Variants in IL12RB2 observed in about 807,000 individuals in gnomAD.
The protein encoded by IL12RB2 is interleukin-12 receptor subunit beta-2.
IL12RB2 carries 82 observed loss-of-function variants against 89.4 expected under a neutral mutation model. That is an observed-to-expected ratio of 0.92 (90% CI 0.77 to 1.10). IL12RB2 has a LOEUF of 1.10. IL12RB2 is among the 50% of genes least tolerant of loss of function. IL12RB2 has a pLI of 0.00. For missense variants in IL12RB2, 963 were observed against 1,031.9 expected (o/e 0.93, Z 0.92); for synonymous variants, 368 against 370.1 (o/e 0.99, Z 0.07).
At chr1:67,386,878 A>T (rs1443991147) in intron 15 of IL12RB2, among the ~76,000 whole-genome samples, 3 of 26,722 alleles carry the variant, frequency 1.1e-4, no homozygotes, top group Non-Finnish European at 3.5e-4. Context: ...TATTTTATAT[A>T]TATATATATA....
In IL12RB2 at chr1:67,366,472, AAAG is replaced by A. The variant is rs1264922236; in HGVS notation, c.1259-1348_1259-1346del. On this transcript the variant is annotated intron_variant, in intron 10 of 16. Transcript: ENST00000674203. ...CATCTCAAAAAAAAAAAAAAAAAAA[AAAG>A]AAGAGAAATCAGAAAAATGAAAATA... Among the ~76,000 whole-genome samples the A allele has an allele frequency of 5.3e-3, 792 of 150,484 alleles. 6 individuals are homozygous for A. Among genetic ancestry groups the A allele is most frequent in the Non-Finnish European group, 7.8e-3 (527 of 67,484 alleles).
chr1:67,378,417 T>A (rs529896693), intron 13 of IL12RB2, among the ~76,000 whole-genome samples: 1 of 134,214 alleles, frequency 7.5e-6, no homozygotes, highest in East Asian at 2.1e-4. Context: ...AAGGAACTGG[T>A]AATCTAGGTT....
intron 15 of IL12RB2, among the ~76,000 whole-genome samples, chr1:67,389,635 T>C (rs1385283072): frequency 6.6e-6 from 1 of 152,236 alleles, no homozygotes; most frequent in Non-Finnish European, 1.5e-5. Context: ...AATTTACCTG[T>C]CATTACAAAC....
At chr1:67,359,743 G>A (rs1300582076) in intron 10 of IL12RB2, among the ~76,000 whole-genome samples, 1 of 151,892 alleles carries the variant, frequency 6.6e-6, no homozygotes, top group Non-Finnish European at 1.5e-5. Context: ...ACACAGTGGT[G>A]ATACTTTCAG....
chr1:67,367,735 G>C, intron 10 of IL12RB2, 90 bp from the exon 11 acceptor site: 1 of 800,456 alleles, frequency 1.2e-6, no homozygotes, highest in South Asian at 1.4e-5. Context: ...AAACTTTTTC[G>C]TTGGGATAAG....
At chr1:67,328,727 G>T (rs747597005) in intron 6 of IL12RB2, among the ~76,000 whole-genome samples, 2 of 152,172 alleles carry the variant, frequency 1.3e-5, no homozygotes, top group African/African-American at 2.4e-5. Context: ...CTTCTTGGAG[G>T]AGGTGTCCTT....
intron 10 of IL12RB2, among the ~76,000 whole-genome samples, chr1:67,355,489 A>G (rs1279910216): frequency 2.0e-5 from 3 of 151,986 alleles, no homozygotes; most frequent in African/African-American, 7.2e-5. Context: ...TGTATTAAAT[A>G]TTTCAAAGAT....
At chr1:67,386,153 G>A (rs1199931627) in intron 14 of IL12RB2, among the ~76,000 whole-genome samples, 1 of 138,354 alleles carries the variant, frequency 7.2e-6, no homozygotes, top group Non-Finnish European at 1.5e-5. Context: ...AGATTGCAGT[G>A]AGCTGAGATT....
chr1:67,390,748 G>C (rs1665723590), intron 16 of IL12RB2, among the ~76,000 whole-genome samples: 1 of 152,122 alleles, frequency 6.6e-6, no homozygotes, highest in Admixed American at 6.6e-5. Context: ...GGCAAGATGG[G>C]CCATCCCTGG....
chr1:67,385,028 A>T (rs996690339), intron 14 of IL12RB2, among the ~76,000 whole-genome samples: 28 of 151,918 alleles, frequency 1.8e-4, no homozygotes, highest in Non-Finnish European at 4.0e-4. Context: ...AACTGTTCCA[A>T]CCTCTGCCTT....
intron 14 of IL12RB2, among the ~76,000 whole-genome samples, chr1:67,381,854 T>C (rs2101080317): frequency 1.3e-5 from 2 of 150,304 alleles, no homozygotes; most frequent in Middle Eastern, 7.1e-3. Flanking sequence ...GGAGCGGTGG[T>C]ACATGCCTGT....
chr1:67,360,989 A>T (rs1366408404), intron 10 of IL12RB2, among the ~76,000 whole-genome samples: 4 of 151,658 alleles, frequency 2.6e-5, no homozygotes, highest in Non-Finnish European at 5.9e-5. Context: ...AATCCCCTCT[A>T]TTCTTCTAGG....
intron 4 of IL12RB2, 92 bp from the exon 5 acceptor site, chr1:67,326,643 G>A (rs1433673979): frequency 4.6e-6 from 7 of 1,537,236 alleles, no homozygotes; most frequent in Non-Finnish European, 6.2e-6. Flanking sequence ...ACGGCATGTG[G>A]GGGACGTATT....
chr1:67,368,160 A>C (rs1662916249), intron 11 of IL12RB2, 135 bp downstream of exon 11: 1 of 699,950 alleles, frequency 1.4e-6, no homozygotes, highest in Non-Finnish European at 2.6e-6. Context: ...CCTAGAGTCC[A>C]CCCAGCAGCA....
chr1:67,398,647 G>A lies in IL12RB2; in HGVS notation c.*2558G>A, dbSNP rs1666483900. Among the ~76,000 whole-genome samples the A allele has an allele frequency of 6.6e-6, 1 of 151,992 alleles. No individual in the cohort carries two copies. Among genetic ancestry groups the A allele is most frequent in the Admixed American group, 6.6e-5 (1 of 15,256 alleles). On this transcript the variant is annotated 3_prime_UTR_variant, in exon 17 of 17. Transcript: ENST00000674203. The stretch of plus-strand genomic sequence containing the variant: ...AGACAACTTGAAAGCAGGAACTTTG[G>A]CAGTGTTTCCCCAGCACCAGCATCA...
At chr1:67,368,937 G>A (rs975709671) in intron 11 of IL12RB2, among the ~76,000 whole-genome samples, 4 of 152,130 alleles carry the variant, frequency 2.6e-5, no homozygotes, top group Admixed American at 6.5e-5. Context: ...TTATTGTTAC[G>A]TGAGACAGAG....
At chr1:67,386,872 T>TTTATATATATA (rs1473033781) in intron 15 of IL12RB2, among the ~76,000 whole-genome samples, 1 of 48,426 alleles carries the variant, frequency 2.1e-5, no homozygotes, top group Non-Finnish European at 4.5e-5. Flanking sequence ...GAAATGTATT[T>TTTATATATATA]TATATATATA....
rs1329959155 is a variant in IL12RB2, at chr1:67,328,213, A to C, written c.493A>C (p.Lys165Gln). The change falls in exon 6 of 17, where the codon AAA (lysine) becomes CAA (glutamine). Residue 165 changes from lysine to glutamine, a missense_variant. Lys to Gln is a moderately conservative substitution (Grantham distance 53). Coordinates refer to ENST00000674203, the MANE Select transcript of IL12RB2 (RefSeq NM_001374259.2). ...TTTTGTTTACAGGCTAAGTGGACCA[A>C]AAAATTTAACCTGGCAGAAGCAATG... ...TEYTLQLSGP[K>Q]NLTWQKQCKD... 2 of 1,613,926 alleles carry C rather than the reference A, an allele frequency of 1.2e-6. No individual in the cohort carries two copies. The highest frequency in any genetic ancestry group is 1.7e-6 in the Non-Finnish European group (2 of 1,179,904).
Position 67,398,345 on chromosome 1 carries a change from G to A in IL12RB2, c.*2256G>A, listed in dbSNP as rs1235951622. Among the ~76,000 whole-genome samples, 2 of 151,700 alleles carry A rather than the reference G, an allele frequency of 1.3e-5. No individual in the cohort carries two copies. Among genetic ancestry groups the A allele is most frequent in the Admixed American group, 6.6e-5 (1 of 15,222 alleles). On this transcript the variant is annotated 3_prime_UTR_variant, in exon 17 of 17. Transcript: ENST00000674203. ...ACAATACCTGGTTTTTCCTATCTTTGGTTTCCTTTTGATTATCTCTCATCC... is the reference window on the plus strand; with the variant it reads ...ACAATACCTGGTTTTTCCTATCTTTAGTTTCCTTTTGATTATCTCTCATCC...
Sources: allele counts gnomAD v4.1 joint callset (sites outside exome capture counted in the v4.1 genomes callset), GRCh38; gene constraint gnomAD v4.1.1; transcripts MANE v1.5; gene names NCBI Gene and HGNC (gene_info 2026-07-23, HGNC 2026-07-21).